Variants in MAN1A1 observed in about 807,000 individuals in gnomAD.
The protein encoded by MAN1A1 is mannosyl-oligosaccharide 1,2-alpha-mannosidase IA.
Under a neutral mutation model 70.8 loss-of-function variants are expected in MAN1A1, and 29 were observed. That is an observed-to-expected ratio of 0.41 (90% CI 0.31 to 0.56). The LOEUF (loss-of-function observed/expected upper bound fraction) is 0.56. Among genes scored for constraint, MAN1A1 ranks in the 20% least tolerant of loss-of-function variants. The pLI, the probability that MAN1A1 is intolerant of heterozygous loss-of-function variation, is 0.29. For missense variants in MAN1A1, 747 were observed against 841.3 expected (o/e 0.89, Z 1.39); for synonymous variants, 349 against 330.1 (o/e 1.06, Z -0.62).
intron 5 of MAN1A1, among the ~76,000 whole-genome samples, chr6:119,285,141 T>TTTTTCTTTTC (rs1277060770): frequency 2.7e-5 from 4 of 149,268 alleles, no homozygotes; most frequent in Non-Finnish European, 3.0e-5. Flanking sequence ...AGCAGACTTT[T>TTTTTCTTTTC]TTTTTTTTTT....
chr6:119,231,531 C>G (rs1030085223), intron 6 of MAN1A1, among the ~76,000 whole-genome samples: 1 of 152,104 alleles, frequency 6.6e-6, no homozygotes, highest in Non-Finnish European at 1.5e-5. Flanking sequence ...GGTGTGAGAA[C>G]AGACTAATAC....
chr6:119,333,898 G>A (rs550927043), intron 2 of MAN1A1, among the ~76,000 whole-genome samples: 1 of 152,190 alleles, frequency 6.6e-6, no homozygotes, highest in East Asian at 1.9e-4. Context: ...GGTGGGTGGA[G>A]AACTACAACC....
At chr6:119,349,854 G>C (rs956607995), upstream of MAN1A1, 4 of 667,370 alleles carry the variant, frequency 6.0e-6, no homozygotes, top group South Asian at 6.6e-5. Context: ...CGCCGCCCAG[G>C]GTCCCGCGGG....
intron 6 of MAN1A1, among the ~76,000 whole-genome samples, chr6:119,221,442 T>C (rs1008501768): frequency 1.3e-5 from 2 of 151,794 alleles, no homozygotes; most frequent in South Asian, 2.1e-4. Flanking sequence ...TTGTTTTGTG[T>C]CTAGAATATT....
chr6:119,225,828 G>A (rs538877027), intron 6 of MAN1A1, among the ~76,000 whole-genome samples: 2 of 152,266 alleles, frequency 1.3e-5, no homozygotes, highest in African/African-American at 2.4e-5. Flanking sequence ...TTCTTCAAAA[G>A]TGAAAGGGAA....
intron 6 of MAN1A1, among the ~76,000 whole-genome samples, chr6:119,242,756 G>A (rs1165872853): frequency 1.3e-5 from 2 of 152,060 alleles, no homozygotes; most frequent in Non-Finnish European, 2.9e-5. Context: ...TATTATTTTA[G>A]TTTTACTTAT....
At chr6:119,295,123 C>G (rs1446542658) in intron 4 of MAN1A1, among the ~76,000 whole-genome samples, 1 of 152,086 alleles carries the variant, frequency 6.6e-6, no homozygotes, top group Non-Finnish European at 1.5e-5. Flanking sequence ...TTTTTCTAAA[C>G]CAACATACCA....
At chr6:119,252,033 T>G (rs1775331856) in intron 5 of MAN1A1, among the ~76,000 whole-genome samples, 2 of 152,216 alleles carry the variant, frequency 1.3e-5, no homozygotes, top group Non-Finnish European at 2.9e-5. Context: ...TCACCTTGTT[T>G]CTTTTCCATT....
At chr6:119,180,585 T>TC (rs1773125667) in intron 11 of MAN1A1, among the ~76,000 whole-genome samples, 158 bp from the exon 12 acceptor site, 1 of 151,824 alleles carries the variant, frequency 6.6e-6, no homozygotes, top group Non-Finnish European at 1.5e-5. Flanking sequence ...CCATCATGGG[T>TC]CACTGCAGCT....
At chr6:119,318,994 T>C (rs1309017250) in intron 2 of MAN1A1, among the ~76,000 whole-genome samples, 3 of 152,218 alleles carry the variant, frequency 2.0e-5, no homozygotes, top group Non-Finnish European at 2.9e-5. Context: ...ACATTGCCAC[T>C]AAATGGCAAT....
Position 119,248,342 on chromosome 6 carries a change from T to C in MAN1A1, c.910A>G (p.Lys304Glu), listed in dbSNP as rs714923. The C allele has an allele frequency of 6.2e-7, 1 of 1,609,898 alleles. No individual in the cohort carries two copies. Among genetic ancestry groups the C allele is most frequent in the Admixed American group, 1.7e-5 (1 of 60,014 alleles). The stretch of plus-strand genomic sequence containing the variant: ...AATTTTACCCCAAGTTCCACTGCTT[T>C]CTTTCGAAAAATCTGAAAAGTCAAA... ...YLSGEEIFRK[K>E]AVELGVKLLP... Residue 304 changes from lysine (K) to glutamate (E), a missense_variant, in exon 6 of 13, where the codon AAA becomes GAA. By Grantham distance (56) the Lys-to-Glu change is moderately conservative (BLOSUM62 1). Transcript: ENST00000368468.
intron 6 of MAN1A1, among the ~76,000 whole-genome samples, chr6:119,206,018 G>A (rs536794429): frequency 7.2e-5 from 11 of 152,320 alleles, no homozygotes; most frequent in East Asian, 1.9e-4. Context: ...ACAATCCAGC[G>A]TAGTGGGGAT....
intron 6 of MAN1A1, among the ~76,000 whole-genome samples, chr6:119,210,300 T>A (rs920481416): frequency 4.6e-5 from 7 of 152,174 alleles, no homozygotes; most frequent in Admixed American, 4.6e-4. Flanking sequence ...TCGAGTGCAG[T>A]TTCTGTCCAG....
At chr6:119,226,766 G>A (rs1393567750) in intron 6 of MAN1A1, among the ~76,000 whole-genome samples, 2 of 152,160 alleles carry the variant, frequency 1.3e-5, no homozygotes, top group Non-Finnish European at 2.9e-5. Flanking sequence ...TGCCTCCTGG[G>A]TTCAAGCGAT....
At chr6:119,210,732 C>T (rs1774026341) in intron 6 of MAN1A1, among the ~76,000 whole-genome samples, 1 of 151,140 alleles carries the variant, frequency 6.6e-6, no homozygotes, top group Non-Finnish European at 1.5e-5. Context: ...AACTTATGTT[C>T]AGACAAAAAT....
intron 6 of MAN1A1, among the ~76,000 whole-genome samples, chr6:119,235,641 T>C (rs1774821831): frequency 2.6e-5 from 4 of 152,172 alleles, no homozygotes. Flanking sequence ...CGCACTAAAA[T>C]GTGTTAGTGG....
intron 2 of MAN1A1, among the ~76,000 whole-genome samples, chr6:119,328,377 C>A (rs962338232): frequency 1.3e-5 from 2 of 152,198 alleles, no homozygotes; most frequent in Non-Finnish European, 2.9e-5. Flanking sequence ...TAGGCATTAT[C>A]ATCACTCTCA....
chr6:119,201,417 G>T, intron 7 of MAN1A1, 70 bp from the exon 8 acceptor site: 1 of 986,958 alleles, frequency 1.0e-6, no homozygotes, highest in Non-Finnish European at 1.6e-6. Flanking sequence ...TCTTCTTCTT[G>T]AACATACAAG....
At chr6:119,267,318 GA>G (rs1378414431) in intron 5 of MAN1A1, among the ~76,000 whole-genome samples, 1 of 136,150 alleles carries the variant, frequency 7.3e-6, no homozygotes, top group Admixed American at 6.9e-5. Context: ...ATGTATTATA[GA>G]ATATTTACAT....
Sources: gnomAD v4.1 joint callset for allele counts (sites outside exome capture counted in the v4.1 genomes callset) on GRCh38, gnomAD v4.1.1 for gene constraint, MANE v1.5 for transcripts, NCBI Gene and HGNC (gene_info 2026-07-23, HGNC 2026-07-21) for gene names.